The following ZNF560 variants were observed in gnomAD, a reference collection of about 807,000 sequenced individuals.
ZNF560 encodes the protein zinc finger protein 560.
In ZNF560, 54 loss-of-function variants were observed where a neutral mutation model predicts 81.8. The ratio of observed to expected loss-of-function variants is 0.66; its 90% confidence interval spans 0.53 to 0.83. The LOEUF is 0.83. Ranked by LOEUF, ZNF560 falls within the 40% of genes least tolerant of loss-of-function variation. The pLI, the probability that ZNF560 is intolerant of heterozygous loss-of-function variation, is 0.00. For missense variants in ZNF560, 940 were observed against 932.4 expected (o/e 1.01, Z -0.11); for synonymous variants, 321 against 317.9 (o/e 1.01, Z -0.10).
intron 2 of ZNF560, among the ~76,000 whole-genome samples, chr19:9,482,758 CCCTG>C (rs962819041): frequency 2.6e-5 from 4 of 151,906 alleles, no homozygotes; most frequent in African/African-American, 9.7e-5. Context: ...ACTGCAACCT[CCCTG>C]CCTGATTCTC....
chr19:9,446,931 G>A, the ZNF560 span, among the ~76,000 whole-genome samples: 2 of 151,906 alleles, frequency 1.3e-5, no homozygotes, highest in African/African-American at 2.4e-5. Context: ...TCAGGAGTTC[G>A]AGACCAGCCT....
the ZNF560 span, among the ~76,000 whole-genome samples, chr19:9,449,310 G>A: frequency 1.5e-4 from 23 of 152,068 alleles, no homozygotes; most frequent in African/African-American, 5.6e-4. Context: ...TCAGACCACA[G>A]TGAAATAGAA....
chr19:9,465,447 T>C (rs540701597), downstream of ZNF560, among the ~76,000 whole-genome samples: 1 of 152,328 alleles, frequency 6.6e-6, no homozygotes, highest in African/African-American at 2.4e-5. Flanking sequence ...CAGCTCTCTA[T>C]GTTTCTAACA....
intron 2 of ZNF560, among the ~76,000 whole-genome samples, chr19:9,495,617 G>C (rs1029701120): frequency 6.6e-6 from 1 of 152,188 alleles, no homozygotes; most frequent in Non-Finnish European, 1.5e-5. Flanking sequence ...TGAGGCATGA[G>C]AATCACTTGA....
chr19:9,469,081 A>C (rs757735929), intron 9 of ZNF560, 24 bp downstream of exon 9: 11 of 1,534,576 alleles, frequency 7.2e-6, no homozygotes, highest in African/African-American at 1.4e-5. Context: ...GTGAAAAATA[A>C]GAAAGTTCTT....
intron 2 of ZNF560, 60 bp from the exon 3 acceptor site, chr19:9,475,429 A>G: frequency 1.0e-6 from 1 of 957,078 alleles, no homozygotes; most frequent in Non-Finnish European, 1.6e-6. Flanking sequence ...ATTCGCATGC[A>G]TGGAAGTTAT....
At chr19:9,462,310 C>G (rs1169126261), downstream of ZNF560, among the ~76,000 whole-genome samples, 1 of 152,218 alleles carries the variant, frequency 6.6e-6, no homozygotes. Flanking sequence ...TCCTAAACCA[C>G]AAACAATGGC....
chr19:9,483,721 C>G (rs891969583), intron 2 of ZNF560, among the ~76,000 whole-genome samples: 1 of 151,524 alleles, frequency 6.6e-6, no homozygotes, highest in Admixed American at 6.6e-5. Flanking sequence ...AGGTGGGGGG[C>G]GCCTCTGCCC....
chr19:9,472,504 A>C (rs1369401024), intron 5 of ZNF560, among the ~76,000 whole-genome samples: 6 of 152,060 alleles, frequency 3.9e-5, no homozygotes, highest in African/African-American at 1.4e-4. Context: ...AAAGAGCAAA[A>C]TCTATCATGA....
chr19:9,466,286 C>T (rs574497579), downstream of ZNF560, among the ~76,000 whole-genome samples: 20 of 151,062 alleles, frequency 1.3e-4, no homozygotes, highest in Non-Finnish European at 2.1e-4. Context: ...GCAGAGGTTG[C>T]AGTGAGCCAA....
chr19:9,482,441 G>C (rs147107068), intron 2 of ZNF560, among the ~76,000 whole-genome samples: 1 of 150,838 alleles, frequency 6.6e-6, no homozygotes, highest in Non-Finnish European at 1.5e-5. Context: ...AGGAAGGGAG[G>C]GGGGAAGGGG....
At chr19:9,460,497 A>G in the ZNF560 span, among the ~76,000 whole-genome samples, 3 of 152,178 alleles carry the variant, frequency 2.0e-5, no homozygotes, top group Non-Finnish European at 4.4e-5. Context: ...GTATACACTA[A>G]TAATAGCTCT....
chr19:9,498,568 G>C lies in ZNF560; in HGVS notation c.-175C>G, dbSNP rs1019339901. The C allele has an allele frequency of 2.0e-5, 3 of 152,228 alleles. No individual in the cohort carries two copies. The highest frequency in any genetic ancestry group is 4.4e-5 in the Non-Finnish European group (3 of 68,066). 9.4% of individuals were successfully genotyped at this position (152,228 alleles called of 1,614,324 possible). A position where few individuals can be genotyped will look rare whatever the true frequency, so the allele number is the denominator to read the frequency against. ...TAGTGAACGACCAGACAACACAAAG[G>C]AAAAAGTGGCTCTGAGGAAACAGGC... On this transcript the variant is annotated 5_prime_UTR_variant, in exon 1 of 10. Coordinates refer to ENST00000301480, the MANE Select transcript of ZNF560 (RefSeq NM_152476.3).
rs60283585 is a variant in ZNF560 at position 9,484,627 on chromosome 19, CAA to C, written c.-56-9260_-56-9259del. Among the ~76,000 whole-genome samples the C allele has an allele frequency of 4.4e-3, 350 of 79,678 alleles. 2 individuals are homozygous for C. Among genetic ancestry groups the C allele is most frequent in the African/African-American group, 0.012 (320 of 26,158 alleles). 52.3% of individuals were successfully genotyped at this position (79,678 alleles called of 152,430 possible). A position where few individuals can be genotyped will look rare whatever the true frequency, so the allele number is the denominator to read the frequency against. ...TGAAACCCTGTCTCTACCGAAAATACAAAAAAAAAAAAAAAAAAATTAGCCAG... is the reference window on the plus strand; with the variant it reads ...TGAAACCCTGTCTCTACCGAAAATACAAAAAAAAAAAAAAAAATTAGCCAG... On this transcript the variant is annotated intron_variant, in intron 2 of 9. Coordinates refer to ENST00000301480, the MANE Select transcript of ZNF560 (RefSeq NM_152476.3).
intron 2 of ZNF560, among the ~76,000 whole-genome samples, chr19:9,476,581 C>T (rs147409090): frequency 2.0e-4 from 30 of 152,246 alleles, no homozygotes; most frequent in African/African-American, 5.3e-4. Context: ...TGAGCCACCG[C>T]GCCCGGCCAA....
At chr19:9,458,607 A>G in the ZNF560 span, among the ~76,000 whole-genome samples, 2 of 152,256 alleles carry the variant, frequency 1.3e-5, no homozygotes, top group Non-Finnish European at 2.9e-5. Flanking sequence ...AGCAGTTAGG[A>G]GTAGAATGCA....
chr19:9,448,704 G>A, the ZNF560 span, among the ~76,000 whole-genome samples: 2 of 151,990 alleles, frequency 1.3e-5, no homozygotes, highest in Non-Finnish European at 2.9e-5. Context: ...ATCAATATTA[G>A]CCTTGAATGT....
In ZNF560 at chr19:9,473,402, C is replaced by A. The variant is rs1438492892; in HGVS notation, c.158-143G>T. The A allele has an allele frequency of 8.7e-6, 5 of 575,084 alleles. No homozygotes were observed. In the East Asian group the frequency reaches 9.6e-5, roughly 11 times the overall value. 35.6% of individuals were successfully genotyped at this position (575,084 alleles called of 1,614,324 possible). On this transcript the variant is annotated intron_variant, in intron 4 of 9. Transcript: ENST00000301480. ...TCAAGATCAGCCTAAGATGGTGAAA[C>A]CCCCGTCTCTACTAAAAATACAAAA...
At chr19:9,499,750 C>A (rs2073616307), upstream of ZNF560, among the ~76,000 whole-genome samples, 1 of 152,124 alleles carries the variant, frequency 6.6e-6, no homozygotes, top group Admixed American at 6.6e-5. Context: ...CTATTTAGGT[C>A]TTCTTTAAAC....
Sources: allele counts gnomAD v4.1 joint callset (sites outside exome capture counted in the v4.1 genomes callset), GRCh38; gene constraint gnomAD v4.1.1; transcripts MANE v1.5; gene names NCBI Gene and HGNC (gene_info 2026-07-23, HGNC 2026-07-21).